The following WDFY3 variants were observed in gnomAD, a reference collection of about 807,000 sequenced individuals.
The protein encoded by WDFY3 is WD repeat and FYVE domain-containing protein 3.
WDFY3 carries 66 observed loss-of-function variants against 409.6 expected under a neutral mutation model. That is an observed-to-expected ratio of 0.16 (90% CI 0.13 to 0.20). The LOEUF (loss-of-function observed/expected upper bound fraction) is 0.20. Among genes scored for constraint, WDFY3 ranks in the 10% least tolerant of loss-of-function variants. The probability of loss-of-function intolerance (pLI) is 1.00; values close to 1 mark genes in which losing one functional copy is unlikely to be tolerated. For missense variants in WDFY3, 3,031 were observed against 4,298.1 expected (o/e 0.71, Z 8.24); for synonymous variants, 1,521 against 1,537.1 (o/e 0.99, Z 0.25).
At chr4:84,754,002 C>A (rs1740982852) in intron 34 of WDFY3, 126 bp from the exon 35 acceptor site, 2 of 1,062,000 alleles carry the variant, frequency 1.9e-6, no homozygotes, top group African/African-American at 1.6e-5. Context: ...ACTCTGTAAA[C>A]CACACATATG....
At chr4:84,893,241 G>C (rs538714539) in intron 3 of WDFY3, among the ~76,000 whole-genome samples, 30 of 152,306 alleles carry the variant, frequency 2.0e-4, no homozygotes, top group East Asian at 1.9e-4. Context: ...AGGTACATCT[G>C]TGTCTTTCCC....
Position 84,814,127 on chromosome 4 carries a change from C to T in WDFY3, c.1887+3265G>A, listed in dbSNP as rs139767321. Among the ~76,000 whole-genome samples, 84 of 152,202 alleles carry T rather than the reference C, an allele frequency of 5.5e-4. No individual in the cohort carries two copies. In the South Asian group the frequency reaches 7.7e-3, roughly 14 times the overall value. On this transcript the variant is annotated intron_variant, in intron 13 of 67. Coordinates refer to ENST00000295888, the MANE Select transcript of WDFY3 (RefSeq NM_014991.6). ...AACTAGTATATGCCACCCCAAAATA[C>T]GCCACTATGGCATAAGGATTATTTT...
At chr4:84,932,063 T>C (rs996485038) in intron 2 of WDFY3, among the ~76,000 whole-genome samples, 1 of 152,192 alleles carries the variant, frequency 6.6e-6, no homozygotes, top group African/African-American at 2.4e-5. Flanking sequence ...CTTATTCTAA[T>C]GTAGCCCTGT....
chr4:84,842,444 T>C (rs1247119866), intron 5 of WDFY3, among the ~76,000 whole-genome samples: 1 of 150,208 alleles, frequency 6.7e-6, no homozygotes, highest in Non-Finnish European at 1.5e-5. Flanking sequence ...GCCACTGCAC[T>C]CCAGCCTGGG....
chr4:84,861,558 T>C (rs1760635305), intron 3 of WDFY3, among the ~76,000 whole-genome samples: 2 of 152,136 alleles, frequency 1.3e-5, no homozygotes, highest in Non-Finnish European at 1.5e-5. Context: ...TCTAAAACTA[T>C]AGTTTGGTAA....
intron 2 of WDFY3, among the ~76,000 whole-genome samples, chr4:84,906,818 AT>A (rs1767104325): frequency 7.0e-6 from 1 of 141,922 alleles, no homozygotes; most frequent in Non-Finnish European, 1.5e-5. Context: ...GTGCTGGTAT[AT>A]TTTATATGTG....
At chr4:84,947,858 C>A (rs935691600) in intron 1 of WDFY3, among the ~76,000 whole-genome samples, 1 of 151,852 alleles carries the variant, frequency 6.6e-6, no homozygotes, top group African/African-American at 2.4e-5. Flanking sequence ...TGTACTCCAG[C>A]CTAGATGAAA....
Position 84,826,903 on chromosome 4 carries a change from A to G in WDFY3, c.1035T>C (p.Tyr345=), listed in dbSNP as rs761207192. The G allele has an allele frequency of 1.3e-5, 21 of 1,611,058 alleles. No homozygotes were observed. The highest frequency in any genetic ancestry group is 1.7e-5 in the Non-Finnish European group (20 of 1,179,264). ...CAGCTGGTTTTAGTTCACTGACACC[A>G]TATGTTGTTAGGGAAGTTATCAGAT... ...LVNLITSLTT[Y]GVSELKPAGI... is the part of the protein sequence containing the mutation. The change falls in exon 10 of 68, where the codon TAT becomes TAC. Residue 345 remains tyrosine (Y), a synonymous_variant. Coordinates refer to ENST00000295888, the MANE Select transcript of WDFY3 (RefSeq NM_014991.6).
intron 1 of WDFY3, among the ~76,000 whole-genome samples, chr4:84,949,071 AG>A (rs1308171440): frequency 6.6e-6 from 1 of 152,162 alleles, no homozygotes; most frequent in Non-Finnish European, 1.5e-5. Context: ...AGTTAAGGTT[AG>A]ATTGACCTTA....
intron 2 of WDFY3, among the ~76,000 whole-genome samples, chr4:84,906,906 A>AT (rs1426819226): frequency 3.9e-5 from 6 of 151,932 alleles, no homozygotes; most frequent in African/African-American, 1.5e-4. Flanking sequence ...TCATTTCTAG[A>AT]TTACTTATAA....
At position 84,794,604 on chromosome 4, in the gene WDFY3, T is replaced by C. The variant is rs1283359365; in HGVS notation, c.3402A>G (p.Gln1134=). ...GAACTATTGCAAGGCACACGTAATG[T>C]TGCTCAGAAGAATTTGCTCGGCGCA... ...TVVRRANSSE[Q]HYVCLAIVLS... The change falls in exon 21 of 68, where the codon CAA becomes CAG. Residue 1134 remains glutamine, a synonymous_variant. Transcript: ENST00000295888. The C allele has an allele frequency of 3.1e-6, 5 of 1,614,142 alleles. No homozygotes were observed. The highest frequency in any genetic ancestry group is 8.5e-7 in the Non-Finnish European group (1 of 1,180,018).
chr4:84,926,616 T>C (rs962459733), intron 2 of WDFY3, among the ~76,000 whole-genome samples: 4 of 152,250 alleles, frequency 2.6e-5, no homozygotes, highest in African/African-American at 9.6e-5. Context: ...GTGATGTTTT[T>C]CTAAATCATA....
At chr4:84,691,023 C>T (rs555044988) in intron 60 of WDFY3, among the ~76,000 whole-genome samples, 1 of 152,090 alleles carries the variant, frequency 6.6e-6, no homozygotes, top group Non-Finnish European at 1.5e-5. Flanking sequence ...AAAGAGAGCA[C>T]GACTGCTGCT....
chr4:84,801,743 G>T lies in WDFY3; in HGVS notation c.2729C>A (p.Ala910Asp), dbSNP rs1393426800. ...TGAGTGGTCCTCATCAGCCAATGCA[G>T]CACTGCACCTCTGCAGCAGTCGTGC... is the stretch of plus-strand genomic sequence containing the variant. ...LHARLLQRCS[A>D]ALADEDHSLH... The change falls in exon 17 of 68, where the codon GCT becomes GAT. Residue 910 changes from alanine (A) to aspartate (D), a missense_variant. By Grantham distance (126) the Ala-to-Asp change is moderately radical. Coordinates refer to ENST00000295888, the MANE Select transcript of WDFY3 (RefSeq NM_014991.6). The T allele has an allele frequency of 1.2e-6, 2 of 1,613,846 alleles. No individual in the cohort carries two copies. Among genetic ancestry groups the T allele is most frequent in the Admixed American group, 3.3e-5 (2 of 60,022 alleles).
At position 84,709,023 on chromosome 4, in the gene WDFY3, A is replaced by T; in HGVS notation, c.8103T>A (p.Gly2701=). 6.2e-7 allele frequency: 1 copy of T among 1,613,556 alleles called. No individual in the cohort carries two copies. The highest frequency in any genetic ancestry group is 8.5e-7 in the Non-Finnish European group (1 of 1,179,814). Residue 2701 remains glycine, a synonymous_variant, in exon 53 of 68, where the codon GGT becomes GGA. Coordinates refer to ENST00000295888, the MANE Select transcript of WDFY3 (RefSeq NM_014991.6). ...TCAAATATTGGAAGTTGCTGATTTC[A>T]CCTCTCTGGAAAAAGATAAATATTC... The part of the protein sequence containing the change: ...EKSVTQRWER[G]EISNFQYLMH...
At chr4:84,920,777 C>T (rs979756949) in intron 2 of WDFY3, among the ~76,000 whole-genome samples, 2 of 152,212 alleles carry the variant, frequency 1.3e-5, no homozygotes, top group South Asian at 2.1e-4. Flanking sequence ...CATTTCCTTC[C>T]GGTTCTATAA....
At chr4:84,798,316 A>G (rs549510153) in intron 17 of WDFY3, among the ~76,000 whole-genome samples, 42 of 152,302 alleles carry the variant, frequency 2.8e-4, no homozygotes, top group Admixed American at 2.5e-3. Context: ...TGTTTTTTAG[A>G]CAGTTATTCC....
chr4:84,733,159 T>G (rs1736885397), intron 44 of WDFY3, among the ~76,000 whole-genome samples: 1 of 152,224 alleles, frequency 6.6e-6, no homozygotes, highest in South Asian at 2.1e-4. Flanking sequence ...TTGGGCAGTC[T>G]GGCTCTGGAG....
At chr4:84,940,257 C>T (rs531725135) in intron 1 of WDFY3, among the ~76,000 whole-genome samples, 56 of 152,136 alleles carry the variant, frequency 3.7e-4, no homozygotes, top group Non-Finnish European at 6.2e-4. Flanking sequence ...TTCAACTCTA[C>T]CCAAGCTGAC....
Sources: allele counts gnomAD v4.1 joint callset (sites outside exome capture counted in the v4.1 genomes callset), GRCh38; gene constraint gnomAD v4.1.1; transcripts MANE v1.5; gene names NCBI Gene and HGNC (gene_info 2026-07-23, HGNC 2026-07-21).